The following SHROOM4 variants were observed in gnomAD, a reference collection of about 807,000 sequenced individuals.
SHROOM4 encodes the protein protein Shroom4.
SHROOM4 carries 17 observed loss-of-function variants against 80.3 expected under a neutral mutation model. That is an observed-to-expected ratio of 0.21 (90% CI 0.14 to 0.32). The LOEUF (loss-of-function observed/expected upper bound fraction) is 0.32, where lower values mean the gene tolerates loss of function less well. Among genes scored for constraint, SHROOM4 ranks in the 10% least tolerant of loss-of-function variants. The pLI is 1.00. For missense variants in SHROOM4, 993 were observed against 1,140.3 expected (o/e 0.87, Z 1.86); for synonymous variants, 400 against 437.5 (o/e 0.91, Z 1.07).
chrX:50,575,808 AGTAAAT>A, the SHROOM4 span, among the ~76,000 whole-genome samples: 5 of 112,292 alleles, frequency 4.5e-5, no homozygotes, highest in African/African-American at 9.7e-5. Context: ...AATAATTTCT[AGTAAAT>A]GTATAGTTAT....
At chrX:50,605,782 G>A (rs1256828805) in intron 6 of SHROOM4, among the ~76,000 whole-genome samples, 1 of 112,583 alleles carries the variant, frequency 8.9e-6, no homozygotes, top group Non-Finnish European at 1.9e-5. Flanking sequence ...TCTGTCAAAT[G>A]GGGATAATAA....
intron 2 of SHROOM4, among the ~76,000 whole-genome samples, chrX:50,656,248 G>A: frequency 8.9e-6 from 1 of 111,915 alleles, no homozygotes; most frequent in South Asian, 3.7e-4. Context: ...CTGTACAGAA[G>A]CTTTTTAATT....
intron 1 of SHROOM4, among the ~76,000 whole-genome samples, chrX:50,723,150 G>C (rs1241722390): frequency 1.9e-5 from 2 of 103,870 alleles, no homozygotes; most frequent in African/African-American, 7.0e-5. Context: ...TGGAAAGGGA[G>C]GGGGATAGAA....
At chrX:50,719,121 A>G (rs1284901529) in intron 1 of SHROOM4, among the ~76,000 whole-genome samples, 1 of 112,113 alleles carries the variant, frequency 8.9e-6, no homozygotes, top group East Asian at 2.8e-4. Context: ...TCACACAATT[A>G]TCTCATTTGT....
chrX:50,651,734 C>T (rs782692413), intron 2 of SHROOM4, among the ~76,000 whole-genome samples: 1 of 108,173 alleles, frequency 9.2e-6, no homozygotes, highest in Non-Finnish European at 1.9e-5. Context: ...CCTCCCCTAG[C>T]CCCTTAACCC....
intron 1 of SHROOM4, among the ~76,000 whole-genome samples, chrX:50,797,600 C>A (rs1231910761): frequency 9.0e-6 from 1 of 111,577 alleles, no homozygotes; most frequent in Non-Finnish European, 1.9e-5. Flanking sequence ...CCTTTTCATA[C>A]TAACTACCTT....
chrX:50,738,225 C>G (rs1234350708), intron 1 of SHROOM4, among the ~76,000 whole-genome samples: 6 of 111,315 alleles, frequency 5.4e-5, no homozygotes, highest in African/African-American at 2.0e-4. Context: ...CAATATCATA[C>G]TGAATGGGCA....
Position 50,634,486 on chromosome X carries a change from G to A in SHROOM4, c.1587C>T (p.Ala529=). 2.5e-6 allele frequency: 3 copies of A among 1,211,768 alleles called. No homozygotes were observed. The highest frequency in any genetic ancestry group is 3.3e-6 in the Non-Finnish European group (3 of 895,563). ...ASELANQQPS[A]SGSLVQQATD... Reference sequence around the variant, plus strand: ...TGGCTTGTTGAACAAGGGAGCCAGAGGCAGAGGGTTGCTGGTTGGCCAATT... The same window carrying A: ...TGGCTTGTTGAACAAGGGAGCCAGAAGCAGAGGGTTGCTGGTTGGCCAATT... Residue 529 remains alanine, a synonymous_variant, in exon 4 of 9, where the codon GCC becomes GCT. Transcript: ENST00000376020.
intron 5 of SHROOM4, among the ~76,000 whole-genome samples, chrX:50,609,254 C>G (rs1357705778): frequency 9.4e-6 from 1 of 106,058 alleles, no homozygotes; most frequent in Non-Finnish European, 1.9e-5. Context: ...AGAGTAAGAC[C>G]TTGTCTCAAA....
chrX:50,750,847 A>G (rs146043242), intron 1 of SHROOM4, among the ~76,000 whole-genome samples: 149 of 112,187 alleles, frequency 1.3e-3, no homozygotes, highest in Middle Eastern at 4.7e-3. Context: ...GGCATTTAAT[A>G]AAAGTTCTCT....
chrX:50,640,500 G>A (rs1931550195), intron 2 of SHROOM4, among the ~76,000 whole-genome samples: 1 of 109,257 alleles, frequency 9.2e-6, no homozygotes, highest in South Asian at 4.2e-4. Flanking sequence ...CCAGGCCCTT[G>A]AAACTTTATG....
chrX:50,806,887 T>TGA (rs1936237227), intron 1 of SHROOM4, among the ~76,000 whole-genome samples: 1 of 112,401 alleles, frequency 8.9e-6, no homozygotes, highest in African/African-American at 3.2e-5. Context: ...TCCTAACTTA[T>TGA]GAATGCATTG....
intron 5 of SHROOM4, among the ~76,000 whole-genome samples, chrX:50,621,175 C>T (rs913050901): frequency 1.3e-4 from 15 of 111,780 alleles, no homozygotes; most frequent in African/African-American, 3.6e-4. Context: ...ATCTAAAATT[C>T]CCAACATTTT....
chrX:50,623,920 C>T (rs923057418), intron 5 of SHROOM4, among the ~76,000 whole-genome samples: 3 of 108,921 alleles, frequency 2.8e-5, no homozygotes, highest in African/African-American at 1.0e-4. Flanking sequence ...CATAAAAGAC[C>T]ACATATTGTG....
chrX:50,586,578 G>A (rs1167855121), downstream of SHROOM4, among the ~76,000 whole-genome samples: 1 of 111,820 alleles, frequency 8.9e-6, no homozygotes, highest in Non-Finnish European at 1.9e-5. Flanking sequence ...AGGAGGAGAG[G>A]AGCTTTTGCC....
At chrX:50,683,378 A>T (rs1431089871) in intron 2 of SHROOM4, among the ~76,000 whole-genome samples, 1 of 111,021 alleles carries the variant, frequency 9.0e-6, no homozygotes, top group African/African-American at 3.3e-5. Flanking sequence ...CACAATAGGG[A>T]ACTTTGAAGG....
intron 2 of SHROOM4, among the ~76,000 whole-genome samples, chrX:50,693,462 A>G (rs1387330688): frequency 9.2e-6 from 1 of 108,499 alleles, no homozygotes; most frequent in Non-Finnish European, 1.9e-5. Context: ...GTTACTCAGC[A>G]GGCTGAGGCA....
chrX:50,743,888 ATTGG>A (rs1283177049), intron 1 of SHROOM4, among the ~76,000 whole-genome samples: 10 of 111,809 alleles, frequency 8.9e-5, no homozygotes, highest in African/African-American at 3.3e-4. Flanking sequence ...ATACAGACAT[ATTGG>A]TTGATTTTTT....
chrX:50,640,015 G>A (rs940696490), intron 2 of SHROOM4, among the ~76,000 whole-genome samples: 1 of 111,415 alleles, frequency 9.0e-6, no homozygotes, highest in Admixed American at 9.5e-5. Flanking sequence ...CAGAGTGGGG[G>A]CTGAAGGCAC....
Sources: allele counts gnomAD v4.1 joint callset (sites outside exome capture counted in the v4.1 genomes callset), GRCh38; gene constraint gnomAD v4.1.1; transcripts MANE v1.5; gene names NCBI Gene and HGNC (gene_info 2026-07-23, HGNC 2026-07-21).